GRIP1: variants seen among roughly 807,000 people sequenced by gnomAD.
The protein encoded by GRIP1 is glutamate receptor interacting protein 1, also known as glutamate receptor-interacting protein 1.
In GRIP1, 45 loss-of-function variants were observed where a neutral mutation model predicts 129.9. The observed-to-expected ratio is 0.35, with a 90% CI of 0.27 to 0.44. GRIP1 has a LOEUF of 0.44. GRIP1 is among the 20% of genes least tolerant of loss of function. The probability of loss-of-function intolerance (pLI) is 1.00; values close to 1 mark genes in which losing one functional copy is unlikely to be tolerated. For synonymous variants in GRIP1, 530 were observed against 520.8 expected (o/e 1.02, Z -0.24); for missense variants, 1,196 against 1,396.8 (o/e 0.86, Z 2.29).
At chr12:66,948,736 T>G (rs1240561320) in intron 1 of GRIP1, among the ~76,000 whole-genome samples, 1 of 152,184 alleles carries the variant, frequency 6.6e-6, no homozygotes, top group Admixed American at 6.5e-5. Context: ...GATACATAGG[T>G]AAATGGAAGA....
intron 23 of GRIP1, among the ~76,000 whole-genome samples, chr12:66,357,345 T>G (rs572550885): frequency 1.3e-5 from 2 of 152,330 alleles, no homozygotes; most frequent in South Asian, 4.1e-4. Context: ...CTGTAGTATA[T>G]TCCTCTGTCT....
At chr12:67,005,290 G>T (rs187828233) in intron 1 of GRIP1, among the ~76,000 whole-genome samples, 123 of 152,256 alleles carry the variant, frequency 8.1e-4, no homozygotes, top group African/African-American at 2.8e-3. Context: ...GCATAGAAAA[G>T]GAACAATATA....
At chr12:66,646,176 C>T (rs1034778325) in intron 1 of GRIP1, among the ~76,000 whole-genome samples, 3 of 152,154 alleles carry the variant, frequency 2.0e-5, no homozygotes, top group Non-Finnish European at 2.9e-5. Context: ...GGAATCCTTG[C>T]TAATCTTTCA....
At chr12:66,802,802 TTTAG>T (rs1188860912) in intron 1 of GRIP1, among the ~76,000 whole-genome samples, 4 of 152,170 alleles carry the variant, frequency 2.6e-5, no homozygotes, top group Admixed American at 1.3e-4. Context: ...TGACATAAAT[TTTAG>T]TTAAATTCTA....
chr12:66,860,984 A>G (rs1334065032), intron 1 of GRIP1, among the ~76,000 whole-genome samples: 1 of 152,030 alleles, frequency 6.6e-6, no homozygotes, highest in African/African-American at 2.4e-5. Flanking sequence ...TCAACACACA[A>G]AAAAGGGGAG....
intron 1 of GRIP1, among the ~76,000 whole-genome samples, chr12:66,878,068 T>A (rs184685357): frequency 1.8e-4 from 28 of 152,164 alleles, no homozygotes; most frequent in Non-Finnish European, 3.5e-4. Context: ...CAAAGGGATA[T>A]GAATGGCTGT....
intron 1 of GRIP1, among the ~76,000 whole-genome samples, chr12:67,021,670 C>T (rs2042869263): frequency 6.6e-6 from 1 of 152,120 alleles, no homozygotes; most frequent in African/African-American, 2.4e-5. Context: ...TTCTAGCTAT[C>T]CAAAGATATA....
chr12:66,472,827 CTGCAGACAAGGAGA>C (rs1350309693), intron 7 of GRIP1, among the ~76,000 whole-genome samples: 2 of 152,230 alleles, frequency 1.3e-5, no homozygotes, highest in African/African-American at 4.8e-5. Context: ...TCTTCATAAC[CTGCAGACAAGGAGA>C]TGCTCTCTGG....
chr12:66,457,296 C>T (rs896615270), intron 9 of GRIP1, among the ~76,000 whole-genome samples: 1 of 152,136 alleles, frequency 6.6e-6, no homozygotes, highest in African/African-American at 2.4e-5. Context: ...GAGATGGGGT[C>T]TTGCTGTGTC....
intron 1 of GRIP1, among the ~76,000 whole-genome samples, chr12:67,043,275 G>A (rs1331988973): frequency 2.6e-5 from 4 of 152,124 alleles, no homozygotes; most frequent in African/African-American, 9.7e-5. Flanking sequence ...TCTGGAGCCT[G>A]CTGATAGGAG....
At chr12:66,372,874 T>C (rs557235563) in intron 22 of GRIP1, among the ~76,000 whole-genome samples, 1 of 152,290 alleles carries the variant, frequency 6.6e-6, no homozygotes, top group South Asian at 2.1e-4. Context: ...CTGGGTATAA[T>C]AGTATAAAGG....
At chr12:66,942,837 G>A (rs535214035) in intron 1 of GRIP1, among the ~76,000 whole-genome samples, 89 of 152,276 alleles carry the variant, frequency 5.8e-4, no homozygotes, top group South Asian at 1.5e-3. Flanking sequence ...TCGTGAATAC[G>A]ACTGTGCCTT....
intron 14 of GRIP1, among the ~76,000 whole-genome samples, chr12:66,429,590 G>A (rs928270826): frequency 6.6e-6 from 1 of 152,110 alleles, no homozygotes; most frequent in African/African-American, 2.4e-5. Flanking sequence ...CAGACACTTG[G>A]GAGGTTAAAG....
At chr12:67,050,456 A>G (rs746390657) in intron 1 of GRIP1, among the ~76,000 whole-genome samples, 6 of 152,246 alleles carry the variant, frequency 3.9e-5, no homozygotes, top group Non-Finnish European at 5.9e-5. Flanking sequence ...TCCAGCAACT[A>G]GAACAGCATA....
intron 1 of GRIP1, among the ~76,000 whole-genome samples, chr12:66,757,238 C>T (rs1214838222): frequency 6.6e-6 from 1 of 151,902 alleles, no homozygotes; most frequent in African/African-American, 2.4e-5. Context: ...TCCTCTCTTC[C>T]CTCCCACACT....
chr12:66,825,609 C>A (rs1349555926), intron 1 of GRIP1, among the ~76,000 whole-genome samples: 1 of 152,142 alleles, frequency 6.6e-6, no homozygotes, highest in Non-Finnish European at 1.5e-5. Flanking sequence ...TAATATAGTA[C>A]CTTCATCCCT....
chr12:66,662,316 GTCTC>G (rs1289847535), intron 1 of GRIP1, among the ~76,000 whole-genome samples: 1 of 151,980 alleles, frequency 6.6e-6, no homozygotes, highest in Non-Finnish European at 1.5e-5. Flanking sequence ...TTCCTCTGAA[GTCTC>G]TCTCTCCACT....
At chr12:66,812,668 C>G (rs2039126532) in intron 1 of GRIP1, among the ~76,000 whole-genome samples, 1 of 152,134 alleles carries the variant, frequency 6.6e-6, no homozygotes, top group African/African-American at 2.4e-5. Flanking sequence ...TTTAGAATGT[C>G]TACAGCTCTA....
chr12:66,405,182 C>A (rs955140212), intron 16 of GRIP1, among the ~76,000 whole-genome samples: 7 of 152,024 alleles, frequency 4.6e-5, no homozygotes, highest in African/African-American at 1.7e-4. Flanking sequence ...CAAACCAAAC[C>A]AAAATAAAAC....
Sources: gnomAD v4.1 joint callset for allele counts (sites outside exome capture counted in the v4.1 genomes callset) on GRCh38, gnomAD v4.1.1 for gene constraint, MANE v1.5 for transcripts, NCBI Gene and HGNC (gene_info 2026-07-23, HGNC 2026-07-21) for gene names.